The following EIF6 variants were observed in gnomAD, a reference collection of about 807,000 sequenced individuals.
EIF6 encodes the protein eukaryotic translation initiation factor 6.
A neutral mutation model predicts 25.5 loss-of-function variants in EIF6; 10 were observed. The ratio of observed to expected loss-of-function variants is 0.39; its 90% CI spans 0.24 to 0.66. The LOEUF is 0.66. Ranked by LOEUF, EIF6 falls within the 30% of genes least tolerant of loss-of-function variation. EIF6 has a pLI of 0.45. For synonymous variants in EIF6, 122 were observed against 122.6 expected, an observed-to-expected ratio of 1.00 and a Z score of 0.03; for missense variants, 246 against 315.4, an observed-to-expected ratio of 0.78 and a Z score of 1.67.
intron 3 of EIF6, among the ~76,000 whole-genome samples, chr20:35,282,688 T>A (rs749080760): frequency 6.6e-6 from 1 of 151,462 alleles, no homozygotes; most frequent in Non-Finnish European, 1.5e-5. Flanking sequence ...CACCGCAGGG[T>A]GAGCTCCACC....
At position 35,280,102 on chromosome 20, in the gene EIF6, A is replaced by T; in HGVS notation, c.386T>A (p.Leu129Gln). ...PDLDRETEEI[L>Q]ADVLKVEVFR... ...GACTTCCACCTTGAGCACATCTGCC[A>T]GAATTTCTTCTGTCTCCTGTCAATC... is the stretch of plus-strand genomic sequence containing the variant. The change falls in exon 5 of 7, where the codon CTG becomes CAG. Residue 129 changes from leucine (L) to glutamine (Q), a missense_variant. Leu to Gln is a moderately radical substitution (Grantham distance 113). Transcript: ENST00000374450. 1 of 1,614,168 alleles carries T rather than the reference A, an allele frequency of 6.2e-7. No homozygotes were observed. Among genetic ancestry groups the T allele is most frequent in the Non-Finnish European group, 8.5e-7 (1 of 1,180,002 alleles).
At chr20:35,280,203 T>G in intron 4 of EIF6, 85 bp from the exon 5 acceptor site, 17 of 1,440,148 alleles carry the variant, frequency 1.2e-5, no homozygotes, top group Non-Finnish European at 1.6e-5. Flanking sequence ...ATCCAGGCCT[T>G]GGCTCCCTGA....
chr20:35,282,236 G>A (rs920373481), intron 3 of EIF6, among the ~76,000 whole-genome samples: 33 of 152,082 alleles, frequency 2.2e-4, no homozygotes, highest in Non-Finnish European at 4.4e-4. Flanking sequence ...TGATCCGCCC[G>A]CCTCGGCCTC....
At chr20:35,284,092 T>C (rs2060800958) in intron 3 of EIF6, 84 bp downstream of exon 3, 2 of 1,469,944 alleles carry the variant, frequency 1.4e-6, no homozygotes, top group Non-Finnish European at 1.8e-6. Context: ...TGGGAATCCC[T>C]AGGTCACTCC....
At chr20:35,284,606 G>T in intron 1 of EIF6, 114 bp from the exon 2 acceptor site, 1 of 1,238,762 alleles carries the variant, frequency 8.1e-7, no homozygotes, top group Non-Finnish European at 1.1e-6. Flanking sequence ...CGGCCCCTCC[G>T]TCCTCGGGTC....
chr20:35,279,868 A>G, intron 5 of EIF6, 74 bp downstream of exon 5: 1 of 1,588,538 alleles, frequency 6.3e-7, no homozygotes, highest in South Asian at 1.1e-5. Flanking sequence ...GTGGCAGGTA[A>G]TGACCCAGAC....
rs760165483 is a variant in EIF6, at chr20:35,284,539, A to C, written c.-5-47T>G. 343 of 1,552,896 alleles carry C rather than the reference A, an allele frequency of 2.2e-4. 2 individuals carry two copies. Among genetic ancestry groups the C allele is most frequent in the Admixed American group, 2.0e-4 (11 of 55,894 alleles). On this transcript the variant is annotated intron_variant, in intron 1 of 6. Coordinates refer to ENST00000374450, the MANE Select transcript of EIF6 (RefSeq NM_002212.4). ...GTTCAAGGCCGGCGGATCCTTTCCC[A>C]AGTATCCCGGCCTCCGTCCCTCAGG...
chr20:35,284,550 C>T lies in EIF6; in HGVS notation c.-5-58G>A, dbSNP rs2060808972. 1.9e-6 allele frequency: 3 copies of T among 1,540,396 alleles called. No individual in the cohort carries two copies. In the South Asian group the frequency reaches 3.7e-5, roughly 19 times the overall value. On this transcript the variant is annotated intron_variant, in intron 1 of 6. Coordinates refer to ENST00000374450, the MANE Select transcript of EIF6 (RefSeq NM_002212.4). ...GCGGATCCTTTCCCAAGTATCCCGG[C>T]CTCCGTCCCTCAGGCCCCGCCGCGA...
At chr20:35,279,294 C>T (rs553874514) in intron 6 of EIF6, 88 bp from the exon 7 acceptor site, 65 of 1,549,436 alleles carry the variant, frequency 4.2e-5, no homozygotes, top group Non-Finnish European at 5.5e-5. Context: ...GCCCTCATCC[C>T]GGGACCAGCT....
In EIF6 at chr20:35,284,175, C is replaced by T. The variant is rs2060801816; in HGVS notation, c.193+1G>A. ...CCCTCGGCGTCCTCCACCTGCCTTA[C>T]CCACACACATGCGCCCGATGATGCG... On this transcript the variant is annotated splice_donor_variant, in intron 3 of 6. Transcript: ENST00000374450. LOFTEE classifies it high-confidence loss of function. 1.3e-6 allele frequency: 2 copies of T among 1,589,878 alleles called. No homozygotes were observed. Among genetic ancestry groups the T allele is most frequent in the African/African-American group, 2.7e-5 (2 of 74,640 alleles).
rs560426605 is a variant in EIF6, at chr20:35,284,219, G to A, written c.150C>T (p.His50=). 11 of 1,605,418 alleles carry A rather than the reference G, an allele frequency of 6.9e-6. No individual in the cohort carries two copies. The highest frequency in any genetic ancestry group is 6.6e-5 in the South Asian group (6 of 90,960). Reference sequence around the variant, plus strand: ...TGATGCGGCAGCCGGCGATAGACGCGTGCACCACGGGGATGGTATCGGAGA... The same window carrying A: ...TGATGCGGCAGCCGGCGATAGACGCATGCACCACGGGGATGGTATCGGAGA... ...GELSDTIPVV[H]ASIAGCRIIG... Residue 50 remains histidine, a synonymous_variant, in exon 3 of 7, where the codon CAC becomes CAT. Coordinates refer to ENST00000374450, the MANE Select transcript of EIF6 (RefSeq NM_002212.4).
chr20:35,284,314 ACTGCCGGAGCT>A, intron 2 of EIF6, 53 bp from the exon 3 acceptor site: 1 of 1,613,754 alleles, frequency 6.2e-7, no homozygotes, highest in Non-Finnish European at 8.5e-7. Context: ...GCACCCTCCC[ACTGCCGGAGCT>A]CTTGACTCCT....
chr20:35,280,775 T>C lies in EIF6; in HGVS notation c.248A>G (p.His83Arg). 1 of 1,614,154 alleles carries C rather than the reference T, an allele frequency of 6.2e-7. No homozygotes were observed. Among genetic ancestry groups the C allele is most frequent in the Non-Finnish European group, 8.5e-7 (1 of 1,180,020 alleles). Residue 83 changes from histidine (H) to arginine (R), a missense_variant, in exon 4 of 7, where the codon CAC becomes CGC. By Grantham distance (29) the His-to-Arg change is conservative. Coordinates refer to ENST00000374450, the MANE Select transcript of EIF6 (RefSeq NM_002212.4). ...TGTGTCTGGGAGGCTGTTGCGAATG[T>C]GTTGCAGCTCCTGGTCGGTGGTATT... is the stretch of plus-strand genomic sequence containing the variant. ...PNNTTDQELQ[H>R]IRNSLPDTVQ...
intron 3 of EIF6, among the ~76,000 whole-genome samples, chr20:35,283,569 G>GT (rs1241102301): frequency 2.6e-5 from 4 of 152,168 alleles, no homozygotes; most frequent in Non-Finnish European, 5.9e-5. Context: ...AGAGACCAAG[G>GT]TAAGAAGATC....
chr20:35,280,164 C>T, intron 4 of EIF6, 46 bp from the exon 5 acceptor site: 1 of 1,594,206 alleles, frequency 6.3e-7, no homozygotes, highest in Non-Finnish European at 8.6e-7. Flanking sequence ...CTTACAGCCC[C>T]AGAACCAAGG....
In EIF6 at chr20:35,282,101, G is replaced by A. The variant is rs576926344; in HGVS notation, c.194-1272C>T. 9.4e-4 allele frequency among the ~76,000 whole-genome samples: 142 copies of A among 150,388 alleles called. 1 individual carries two copies. The highest frequency in any genetic ancestry group is 1.4e-3 in the Non-Finnish European group (94 of 67,850). On this transcript the variant is annotated intron_variant, in intron 3 of 6. Coordinates refer to ENST00000374450, the MANE Select transcript of EIF6 (RefSeq NM_002212.4). ...CCTCCCCGGTTCACACCATTCTCCT[G>A]CCTCAACCTCCCAAGTAGCTGGGAC...
intron 6 of EIF6, 42 bp downstream of exon 6, chr20:35,279,524 A>G (rs1367154713): frequency 6.2e-7 from 1 of 1,602,068 alleles, no homozygotes; most frequent in Non-Finnish European, 8.5e-7. Context: ...AATGCAAGTT[A>G]ACCCCCAACC....
intron 6 of EIF6, 28 bp from the exon 7 acceptor site, chr20:35,279,234 G>A: frequency 6.2e-7 from 1 of 1,612,370 alleles, no homozygotes; most frequent in Non-Finnish European, 8.5e-7. Flanking sequence ...CGCACGGTCA[G>A]TAGCTGTTTC....
intron 3 of EIF6, among the ~76,000 whole-genome samples, chr20:35,281,411 A>C (rs2060775018): frequency 6.6e-6 from 1 of 151,690 alleles, no homozygotes; most frequent in Admixed American, 6.6e-5. Context: ...AAAAAACAAA[A>C]AAAACTGAGC....
Sources: allele counts gnomAD v4.1 joint callset (sites outside exome capture counted in the v4.1 genomes callset), GRCh38; gene constraint gnomAD v4.1.1; transcripts MANE v1.5; gene names NCBI Gene and HGNC (gene_info 2026-07-23, HGNC 2026-07-21).